The following RIT2 variants were observed in gnomAD, a reference collection of about 807,000 sequenced individuals.
RIT2 encodes Ras like without CAAX 2.
Under a neutral mutation model 23.7 loss-of-function variants are expected in RIT2, and 24 were observed. The observed-to-expected ratio is 1.01, with a 90% CI of 0.73 to 1.43. The LOEUF is 1.43. Ranked by LOEUF, RIT2 falls within the 40% of genes most tolerant of loss-of-function variation. The pLI is 0.00. For synonymous variants in RIT2, 107 were observed against 91.1 expected (o/e 1.17, Z -0.99); for missense variants, 236 against 266.9 (o/e 0.88, Z 0.81).
chr18:42,773,109 T>A (rs1377639770), intron 4 of RIT2, among the ~76,000 whole-genome samples: 1 of 152,216 alleles, frequency 6.6e-6, no homozygotes, highest in Admixed American at 6.5e-5. Context: ...TTTAACCCCC[T>A]TCTGTGCAAG....
intron 3 of RIT2, among the ~76,000 whole-genome samples, chr18:42,925,801 A>G (rs1909164923): frequency 6.6e-6 from 1 of 151,632 alleles, no homozygotes; most frequent in Non-Finnish European, 1.5e-5. Flanking sequence ...TTTATACATC[A>G]TTCTAAACTC....
intron 1 of RIT2, among the ~76,000 whole-genome samples, chr18:43,079,826 G>C (rs1913112744): frequency 6.6e-6 from 1 of 152,130 alleles, no homozygotes; most frequent in Non-Finnish European, 1.5e-5. Context: ...CCCCTACAAA[G>C]AAAAGGAAGC....
chr18:43,089,489 T>A (rs1195718395), intron 1 of RIT2, among the ~76,000 whole-genome samples: 2 of 151,392 alleles, frequency 1.3e-5, no homozygotes, highest in Non-Finnish European at 2.9e-5. Flanking sequence ...ATAGTTAAAA[T>A]GACCACTCTG....
chr18:42,877,586 A>T (rs775435995), intron 4 of RIT2, among the ~76,000 whole-genome samples: 2 of 151,018 alleles, frequency 1.3e-5, no homozygotes, highest in Non-Finnish European at 3.0e-5. Context: ...ATAAAGATTT[A>T]TGTGTGTATA....
chr18:43,098,629 C>G (rs370142833), intron 1 of RIT2, among the ~76,000 whole-genome samples: 1 of 151,912 alleles, frequency 6.6e-6, no homozygotes. Context: ...ATAACAACCA[C>G]GACAACAATA....
At chr18:43,056,530 T>C (rs1912506338) in intron 1 of RIT2, among the ~76,000 whole-genome samples, 1 of 152,128 alleles carries the variant, frequency 6.6e-6, no homozygotes, top group African/African-American at 2.4e-5. Flanking sequence ...CATCATATTT[T>C]AGGCTGAGAA....
At chr18:42,858,821 T>A (rs1375645489) in intron 4 of RIT2, among the ~76,000 whole-genome samples, 7 of 152,218 alleles carry the variant, frequency 4.6e-5, no homozygotes, top group African/African-American at 1.7e-4. Context: ...GTCTTTTATG[T>A]CTGTATTGTT....
chr18:43,084,805 C>T (rs1425445724), intron 1 of RIT2, among the ~76,000 whole-genome samples: 9 of 152,032 alleles, frequency 5.9e-5, no homozygotes, highest in African/African-American at 9.7e-5. Context: ...CCTAGTGACA[C>T]GTTGATGGGT....
intron 4 of RIT2, among the ~76,000 whole-genome samples, chr18:42,909,687 T>C (rs1908716739): frequency 6.6e-6 from 1 of 152,116 alleles, no homozygotes. Flanking sequence ...CCTTCAGTTT[T>C]CAAGTTTATA....
In RIT2 at chr18:42,991,628, T is replaced by C. The variant is rs560596525; in HGVS notation, c.161-17481A>G. On this transcript the variant is annotated intron_variant, in intron 2 of 4. Transcript: ENST00000326695. ...GAAATGAAAATGGCCTGTTCCTGCCTTAACTGATGACATTCCACCACGAAA... is the reference window on the plus strand; with the variant it reads ...GAAATGAAAATGGCCTGTTCCTGCCCTAACTGATGACATTCCACCACGAAA... 1.9e-4 allele frequency among the ~76,000 whole-genome samples: 27 copies of C among 144,144 alleles called. No individual in the cohort carries two copies. In the South Asian group the frequency reaches 6.6e-3, roughly 35 times the overall value. The allele number at this position is 144,144 out of a possible 152,430, so 94.6% of individuals were successfully genotyped here.
At chr18:42,934,521 T>C (rs1909405521) in intron 3 of RIT2, among the ~76,000 whole-genome samples, 1 of 152,192 alleles carries the variant, frequency 6.6e-6, no homozygotes. Flanking sequence ...TATGGTATTG[T>C]TTGTGAGATG....
chr18:43,085,272 A>G lies in RIT2; in HGVS notation c.103+30145T>C, dbSNP rs192203297. ...GGGGTACAATGTGATATTTTTATCT[A>G]TGTATACATTGTGAAAAGATTAAGT... On this transcript the variant is annotated intron_variant, in intron 1 of 4. Coordinates refer to ENST00000326695, the MANE Select transcript of RIT2 (RefSeq NM_002930.4). 4.2e-3 allele frequency among the ~76,000 whole-genome samples: 642 copies of G among 152,256 alleles called. 2 individuals carry two copies. Among genetic ancestry groups the G allele is most frequent in the Non-Finnish European group, 7.7e-3 (526 of 68,004 alleles).
intron 3 of RIT2, among the ~76,000 whole-genome samples, chr18:42,969,779 A>G (rs7242237): frequency 0.052 from 7,889 of 152,126 alleles, 438 homozygotes; most frequent in East Asian, 0.26. Flanking sequence ...ATATTTTGCT[A>G]GAGTTTCACC....
intron 3 of RIT2, among the ~76,000 whole-genome samples, chr18:42,970,928 G>A (rs932438560): frequency 1.3e-5 from 2 of 151,884 alleles, no homozygotes; most frequent in Non-Finnish European, 2.9e-5. Context: ...TGTCAGCCAT[G>A]AAGCTTGCAA....
In RIT2 at chr18:42,953,788, G is replaced by A. The variant is rs1023663162; in HGVS notation, c.234+20286C>T. ...TCAGTTATCATTTCTATAAATAAAC[G>A]TTTAAACGAAGTGTGGGATTTTAAA... On this transcript the variant is annotated intron_variant, in intron 3 of 4. Coordinates refer to ENST00000326695, the MANE Select transcript of RIT2 (RefSeq NM_002930.4). 6.6e-5 allele frequency among the ~76,000 whole-genome samples: 10 copies of A among 152,170 alleles called. No individual in the cohort carries two copies. The East Asian group carries it at 1.4e-3, about 21-fold the overall frequency.
chr18:43,099,054 G>A (rs966082002), intron 1 of RIT2, among the ~76,000 whole-genome samples: 1 of 151,870 alleles, frequency 6.6e-6, no homozygotes, highest in Non-Finnish European at 1.5e-5. Context: ...TTTGGTTCTA[G>A]GTAAATCATA....
intron 4 of RIT2, among the ~76,000 whole-genome samples, chr18:42,823,665 T>G (rs1267472700): frequency 2.6e-5 from 4 of 152,172 alleles, no homozygotes; most frequent in Non-Finnish European, 5.9e-5. Context: ...AATAAAATAA[T>G]ACTAGTAAGT....
chr18:43,026,379 C>A (rs12970288), intron 2 of RIT2, among the ~76,000 whole-genome samples: 80,096 of 151,190 alleles, frequency 0.53, 23,671 homozygotes, highest in Non-Finnish European at 0.67. Flanking sequence ...CATGGTGAAA[C>A]CCCATCTCCA....
At chr18:42,870,015 T>C (rs1231988140) in intron 4 of RIT2, among the ~76,000 whole-genome samples, 3 of 152,180 alleles carry the variant, frequency 2.0e-5, no homozygotes, top group African/African-American at 7.2e-5. Flanking sequence ...CTTTCTTCTG[T>C]TTTCTTTGTT....
Sources: gnomAD v4.1 joint callset for allele counts (sites outside exome capture counted in the v4.1 genomes callset) on GRCh38, gnomAD v4.1.1 for gene constraint, MANE v1.5 for transcripts, NCBI Gene and HGNC (gene_info 2026-07-23, HGNC 2026-07-21) for gene names.